LRP1B: variants seen among roughly 807,000 people sequenced by gnomAD.
LRP1B encodes the protein LDL receptor related protein 1B.
LRP1B carries 217 observed loss-of-function variants against 556.6 expected under a neutral mutation model. That is an observed-to-expected ratio of 0.39 (90% CI 0.35 to 0.44). The LOEUF (loss-of-function observed/expected upper bound fraction) is 0.44, where lower values mean the gene tolerates loss of function less well. LRP1B is among the 20% of genes least tolerant of loss of function. The pLI, the probability that LRP1B is intolerant of heterozygous loss-of-function variation, is 1.00. For missense variants in LRP1B, 5,053 were observed against 5,620.8 expected (o/e 0.90, Z 3.23); for synonymous variants, 2,047 against 1,865.8 (o/e 1.10, Z -2.50).
intron 35 of LRP1B, among the ~76,000 whole-genome samples, chr2:140,761,320 G>C (rs939246587): frequency 1.3e-5 from 2 of 152,180 alleles, no homozygotes; most frequent in Non-Finnish European, 2.9e-5. Flanking sequence ...GTGGGAATAA[G>C]ATATATAAAA....
intron 7 of LRP1B, among the ~76,000 whole-genome samples, chr2:141,162,410 C>A (rs188216386): frequency 6.6e-6 from 1 of 151,988 alleles, no homozygotes; most frequent in Non-Finnish European, 1.5e-5. Flanking sequence ...CTGGAGTCTT[C>A]CTCCAGAATG....
intron 10 of LRP1B, among the ~76,000 whole-genome samples, chr2:141,053,625 G>C (rs892656905): frequency 3.3e-5 from 5 of 151,908 alleles, no homozygotes; most frequent in African/African-American, 1.2e-4. Context: ...AGAAGCTACT[G>C]GTCCAGGTTT....
intron 1 of LRP1B, among the ~76,000 whole-genome samples, chr2:141,953,222 A>G (rs1042354372): frequency 2.0e-5 from 3 of 152,114 alleles, no homozygotes; most frequent in African/African-American, 7.2e-5. Context: ...AAAGAAATAT[A>G]TCCCATCCAC....
rs75131990 is a variant in LRP1B, at chr2:140,825,312, A to G, written c.5210-11506T>C. ...TATCAAAGAAGGGAAATACAGCTGG[A>G]GTGGGAAGTTTCGGTCACACTGCAC... On this transcript the variant is annotated intron_variant, in intron 31 of 90. Transcript: ENST00000389484. 4.9e-3 allele frequency among the ~76,000 whole-genome samples: 741 copies of G among 152,290 alleles called. 8 individuals are homozygous for G. The highest frequency in any genetic ancestry group is 0.017 in the African/African-American group (703 of 41,568).
intron 3 of LRP1B, among the ~76,000 whole-genome samples, chr2:141,363,196 C>G (rs995617771): frequency 6.6e-6 from 1 of 152,098 alleles, no homozygotes; most frequent in African/African-American, 2.4e-5. Flanking sequence ...GTCTCACCAC[C>G]CATTTCTGTC....
chr2:141,247,481 T>C (rs990627853), intron 4 of LRP1B, 127 bp from the exon 5 acceptor site: 3 of 1,033,274 alleles, frequency 2.9e-6, no homozygotes, highest in Non-Finnish European at 4.2e-6. Flanking sequence ...CCAATAAGTC[T>C]TTTCAAAACC....
At position 140,475,197 on chromosome 2, in the gene LRP1B, T is replaced by C. The variant is rs1687920638; in HGVS notation, c.9566A>G (p.Tyr3189Cys). ...LTIDYVNRRL[Y>C]WADENHIEFS... ...TTCAATGTGATTTTCATCGGCCCAG[T>C]AGAGTCTACGATTAACATAATCTAT... The change falls in exon 60 of 91, where the codon TAC (tyrosine) becomes TGC (cysteine). Residue 3189 changes from tyrosine to cysteine, a missense_variant. Transcript: ENST00000389484. 1 of 1,611,382 alleles carries C rather than the reference T, an allele frequency of 6.2e-7. No homozygotes were observed. Among genetic ancestry groups the C allele is most frequent in the Non-Finnish European group, 8.5e-7 (1 of 1,178,438 alleles).
rs920416146 is a variant in LRP1B, at chr2:141,984,330, GA to G, written c.82+146317del. Among the ~76,000 whole-genome samples, 539 of 149,166 alleles carry G rather than the reference GA, an allele frequency of 3.6e-3. 2 individuals are homozygous for G. Among genetic ancestry groups the G allele is most frequent in the African/African-American group, 0.012 (501 of 40,676 alleles). On this transcript the variant is annotated intron_variant, in intron 1 of 90. Coordinates refer to ENST00000389484, the MANE Select transcript of LRP1B (RefSeq NM_018557.3). ...CATGAATAAAAATTTGGGAAAGGGG[GA>G]AAAAAAAAGAATAAAGTTTGAGAGT...
In LRP1B at chr2:140,342,180, A is replaced by T. The variant is rs1681429705; in HGVS notation, c.11893-6342T>A. Among the ~76,000 whole-genome samples, 3 of 151,486 alleles carry T rather than the reference A, an allele frequency of 2.0e-5. No homozygotes were observed. In the East Asian group the frequency reaches 5.8e-4, roughly 29 times the overall value. ...TTCAACTTTCATAGTACATACAACA[A>T]CTTCATTCTTTAAGGTTTGGGAGAA... On this transcript the variant is annotated intron_variant, in intron 77 of 90. Transcript: ENST00000389484.
intron 7 of LRP1B, among the ~76,000 whole-genome samples, chr2:141,141,628 A>C (rs1421226959): frequency 6.6e-6 from 1 of 152,188 alleles, no homozygotes; most frequent in East Asian, 1.9e-4. Flanking sequence ...CACATCCTTA[A>C]TAAACTTATG....
rs557225592 is a variant in LRP1B, at chr2:140,673,397, C to T, written c.6799+26853G>A. Among the ~76,000 whole-genome samples the T allele has an allele frequency of 3.9e-5, 6 of 152,170 alleles. No homozygotes were observed. The East Asian group carries it at 9.7e-4, about 25-fold the overall frequency. On this transcript the variant is annotated intron_variant, in intron 41 of 90. Coordinates refer to ENST00000389484, the MANE Select transcript of LRP1B (RefSeq NM_018557.3). ...CTAGTTTTCAATAACATATTCATTTCTCTTTGAGCCCTCATCAATATTCTT... is the reference window on the plus strand; with the variant it reads ...CTAGTTTTCAATAACATATTCATTTTTCTTTGAGCCCTCATCAATATTCTT...
intron 32 of LRP1B, among the ~76,000 whole-genome samples, chr2:140,784,665 T>A (rs920943601): frequency 6.6e-6 from 1 of 151,218 alleles, no homozygotes; most frequent in African/African-American, 2.4e-5. Context: ...AACAAATAAA[T>A]ATCCTCAGAG....
At chr2:141,655,938 G>T (rs1187006858) in intron 2 of LRP1B, among the ~76,000 whole-genome samples, 1 of 152,114 alleles carries the variant, frequency 6.6e-6, no homozygotes, top group African/African-American at 2.4e-5. Flanking sequence ...ATTTTTTGAT[G>T]AAACACTTCC....
chr2:142,039,579 A>G (rs907342987), intron 1 of LRP1B, among the ~76,000 whole-genome samples: 2 of 151,494 alleles, frequency 1.3e-5, no homozygotes, highest in African/African-American at 4.8e-5. Flanking sequence ...AACTAAACAG[A>G]ATTCCTGGGG....
chr2:141,993,719 T>A (rs1054379849), intron 1 of LRP1B, among the ~76,000 whole-genome samples: 1 of 152,178 alleles, frequency 6.6e-6, no homozygotes, highest in Non-Finnish European at 1.5e-5. Flanking sequence ...GTCCTATAGG[T>A]GAAGGTCTTC....
intron 3 of LRP1B, among the ~76,000 whole-genome samples, chr2:141,461,479 T>TGAAA (rs1681870009): frequency 6.6e-6 from 1 of 152,074 alleles, no homozygotes; most frequent in Admixed American, 6.6e-5. Flanking sequence ...AGTAGGGAAA[T>TGAAA]GAAAGTCTAT....
intron 3 of LRP1B, among the ~76,000 whole-genome samples, chr2:141,388,349 T>A (rs1559043530): frequency 6.6e-6 from 1 of 152,060 alleles, no homozygotes; most frequent in Non-Finnish European, 1.5e-5. Context: ...GGCAAGAGAA[T>A]CGCTTGAACC....
chr2:140,305,021 G>A (rs1684006346), intron 83 of LRP1B, among the ~76,000 whole-genome samples: 1 of 152,258 alleles, frequency 6.6e-6, no homozygotes, highest in Non-Finnish European at 1.5e-5. Flanking sequence ...CTATATCTCT[G>A]TTTTGGTGCC....
intron 83 of LRP1B, among the ~76,000 whole-genome samples, chr2:140,298,797 C>T (rs1369377734): frequency 6.6e-6 from 1 of 152,150 alleles, no homozygotes; most frequent in Non-Finnish European, 1.5e-5. Context: ...TCTCTAACTG[C>T]TCAGACTGTC....
Sources: allele counts gnomAD v4.1 joint callset (sites outside exome capture counted in the v4.1 genomes callset), GRCh38; gene constraint gnomAD v4.1.1; transcripts MANE v1.5; gene names NCBI Gene and HGNC (gene_info 2026-07-23, HGNC 2026-07-21).